Variants in EYS observed in about 807,000 individuals in gnomAD.
The protein encoded by EYS is protein eyes shut homolog.
A neutral mutation model predicts 282.1 loss-of-function variants in EYS; 250 were observed. The ratio of observed to expected loss-of-function variants is 0.89; its 90% CI spans 0.80 to 0.98. The LOEUF (loss-of-function observed/expected upper bound fraction) is 0.98. Among genes scored for constraint, EYS ranks in the 50% least tolerant of loss-of-function variants. EYS has a pLI of 0.00. For synonymous variants in EYS, 1,355 were observed against 1,282.9 expected, an observed-to-expected ratio of 1.06 and a Z score of -1.20; for missense variants, 4,016 against 3,709.0, an observed-to-expected ratio of 1.08 and a Z score of -2.15.
rs1021923830 is a variant in EYS, at chr6:65,007,555, C to A, written c.2138-9852G>T. Among the ~76,000 whole-genome samples, 4 of 152,102 alleles carry A rather than the reference C, an allele frequency of 2.6e-5. No homozygotes were observed. In the East Asian group the frequency reaches 7.7e-4, roughly 29 times the overall value. The stretch of plus-strand genomic sequence containing the variant: ...TACAAACTTTCTTTTCATTAAGAGA[C>A]AACTGGCAATTATGTAAAAAGTGTG... On this transcript the variant is annotated intron_variant, in intron 13 of 42. Coordinates refer to ENST00000503581, the MANE Select transcript of EYS (RefSeq NM_001142800.2).
chr6:65,261,486 T>A (rs576765707), intron 12 of EYS, among the ~76,000 whole-genome samples: 34 of 152,138 alleles, frequency 2.2e-4, no homozygotes, highest in Non-Finnish European at 3.7e-4. Flanking sequence ...AAGACTGACA[T>A]GTTCCAAGCA....
At chr6:65,179,750 C>T in intron 12 of EYS, among the ~76,000 whole-genome samples, 1 of 151,962 alleles carries the variant, frequency 6.6e-6, no homozygotes, top group Non-Finnish European at 1.5e-5. Context: ...AGAGACACAA[C>T]ATAAAAAGAG....
At chr6:64,462,976 C>A (rs1173401125) in intron 26 of EYS, among the ~76,000 whole-genome samples, 1 of 129,820 alleles carries the variant, frequency 7.7e-6, no homozygotes, top group African/African-American at 3.1e-5. Context: ...GATGAAGTCT[C>A]GCTCTGTTGC....
chr6:63,807,593 T>G (rs1354849929), intron 36 of EYS, among the ~76,000 whole-genome samples: 6 of 152,200 alleles, frequency 3.9e-5, no homozygotes, highest in African/African-American at 1.4e-4. Context: ...TTATGACTAT[T>G]AAACTAAGAT....
At chr6:65,340,951 A>G (rs1481089994) in intron 10 of EYS, among the ~76,000 whole-genome samples, 2 of 151,140 alleles carry the variant, frequency 1.3e-5, no homozygotes, top group Non-Finnish European at 1.5e-5. Context: ...TGACATAGGT[A>G]CAGTATCAAG....
chr6:64,137,757 A>T (rs779377648), intron 31 of EYS, among the ~76,000 whole-genome samples: 3 of 152,168 alleles, frequency 2.0e-5, no homozygotes, highest in Non-Finnish European at 2.9e-5. Context: ...AGTAATATCA[A>T]AGGTCACTGA....
At chr6:65,147,252 A>G (rs1409719176) in intron 12 of EYS, among the ~76,000 whole-genome samples, 1 of 152,080 alleles carries the variant, frequency 6.6e-6, no homozygotes, top group Non-Finnish European at 1.5e-5. Flanking sequence ...AACACCAAAT[A>G]TATGTTCTCC....
intron 31 of EYS, among the ~76,000 whole-genome samples, chr6:64,205,893 T>C (rs1372514661): frequency 6.6e-6 from 1 of 151,042 alleles, no homozygotes; most frequent in Non-Finnish European, 1.5e-5. Context: ...TCACTGTTAG[T>C]CAATACAGAC....
intron 22 of EYS, among the ~76,000 whole-genome samples, chr6:64,649,939 A>C (rs1366816679): frequency 6.6e-6 from 1 of 152,166 alleles, no homozygotes; most frequent in Non-Finnish European, 1.5e-5. Flanking sequence ...GAAATTAACC[A>C]GTTTTTAAGC....
At chr6:65,090,406 G>A (rs538530031) in intron 12 of EYS, among the ~76,000 whole-genome samples, 1 of 152,242 alleles carries the variant, frequency 6.6e-6, no homozygotes, top group East Asian at 1.9e-4. Context: ...AGAACTGTGA[G>A]TCAATTAAAA....
intron 2 of EYS, among the ~76,000 whole-genome samples, chr6:65,581,511 C>A (rs1442259690): frequency 3.9e-5 from 6 of 151,974 alleles, no homozygotes; most frequent in Non-Finnish European, 7.4e-5. Context: ...ACAATAATTG[C>A]CAATGTTCAA....
At chr6:65,581,972 G>T (rs893385979) in intron 2 of EYS, among the ~76,000 whole-genome samples, 12 of 151,632 alleles carry the variant, frequency 7.9e-5, no homozygotes, top group Admixed American at 2.0e-4. Flanking sequence ...AGCAGATCAT[G>T]AGGTGAGGAG....
intron 28 of EYS, among the ~76,000 whole-genome samples, chr6:64,435,612 C>T (rs2059061468): frequency 6.7e-6 from 1 of 149,904 alleles, no homozygotes; most frequent in Non-Finnish European, 1.5e-5. Flanking sequence ...AACAAAAAAG[C>T]ATTACATCTA....
chr6:65,539,991 A>G (rs1020244437), intron 2 of EYS, among the ~76,000 whole-genome samples: 1 of 152,198 alleles, frequency 6.6e-6, no homozygotes, highest in Non-Finnish European at 1.5e-5. Context: ...TTTTAACATT[A>G]TTGCTTCAGT....
chr6:63,971,806 T>C (rs1766588990), intron 35 of EYS, among the ~76,000 whole-genome samples: 1 of 152,196 alleles, frequency 6.6e-6, no homozygotes, highest in Non-Finnish European at 1.5e-5. Context: ...TTTCTGCCAA[T>C]TTTGTTGCAT....
chr6:63,804,087 G>A (rs1287823848), intron 37 of EYS, among the ~76,000 whole-genome samples: 1 of 152,134 alleles, frequency 6.6e-6, no homozygotes, highest in East Asian at 1.9e-4. Flanking sequence ...TGCAATCTCG[G>A]CTCACTGCAA....
intron 15 of EYS, among the ~76,000 whole-genome samples, chr6:64,929,226 G>A (rs544484152): frequency 7.9e-5 from 12 of 152,074 alleles, no homozygotes; most frequent in Non-Finnish European, 1.6e-4. Flanking sequence ...TGAAGGCTGA[G>A]ATGAGGGTGA....
At chr6:65,428,796 C>T (rs1767761023) in intron 5 of EYS, among the ~76,000 whole-genome samples, 1 of 152,062 alleles carries the variant, frequency 6.6e-6, no homozygotes, top group South Asian at 2.1e-4. Flanking sequence ...GTAAAACTAT[C>T]AAAAACTGTC....
intron 22 of EYS, among the ~76,000 whole-genome samples, chr6:64,650,391 G>C (rs987067215): frequency 1.3e-5 from 2 of 151,752 alleles, no homozygotes; most frequent in Non-Finnish European, 2.9e-5. Context: ...TTTATCCCTT[G>C]AACAATGAGT....
Sources: gnomAD v4.1 joint callset for allele counts (sites outside exome capture counted in the v4.1 genomes callset) on GRCh38, gnomAD v4.1.1 for gene constraint, MANE v1.5 for transcripts, NCBI Gene and HGNC (gene_info 2026-07-23, HGNC 2026-07-21) for gene names.